The following PRELID2 variants were observed in gnomAD, a reference collection of about 807,000 sequenced individuals.
The protein encoded by PRELID2 is PRELI domain-containing protein 2.
Under a neutral mutation model 28.4 loss-of-function variants are expected in PRELID2, and 25 were observed. That is an observed-to-expected ratio of 0.88 (90% CI 0.64 to 1.23). PRELID2 has a LOEUF of 1.23. Among genes scored for constraint, PRELID2 ranks in the 50% most tolerant of loss-of-function variants. The probability of loss-of-function intolerance (pLI) is 0.00; values close to 1 mark genes in which losing one functional copy is unlikely to be tolerated. For missense variants in PRELID2, 201 were observed against 214.4 expected (o/e 0.94, Z 0.39); for synonymous variants, 76 against 71.6 (o/e 1.06, Z -0.31).
the PRELID2 span, among the ~76,000 whole-genome samples, chr5:145,247,756 T>G: frequency 1.3e-5 from 2 of 152,128 alleles, no homozygotes; most frequent in African/African-American, 4.8e-5. Flanking sequence ...GAGCTAGAAT[T>G]AGAAGAAAGG....
chr5:145,343,859 G>GA, the PRELID2 span, among the ~76,000 whole-genome samples: 1 of 151,610 alleles, frequency 6.6e-6, no homozygotes, highest in African/African-American at 2.4e-5. Flanking sequence ...GAAATACAAA[G>GA]AAAAATCAGA....
the PRELID2 span, among the ~76,000 whole-genome samples, chr5:145,460,125 T>C: frequency 6.6e-6 from 1 of 152,120 alleles, no homozygotes; most frequent in Non-Finnish European, 1.5e-5. Context: ...TTCAGCAACA[T>C]AAAAAATGAC....
the PRELID2 span, among the ~76,000 whole-genome samples, chr5:145,345,041 C>T: frequency 2.6e-5 from 4 of 152,036 alleles, no homozygotes; most frequent in African/African-American, 7.2e-5. Flanking sequence ...TAAAAACTAT[C>T]TAAACTTTAC....
At chr5:145,230,160 G>A in the PRELID2 span, 1 of 433,946 alleles carries the variant, frequency 2.3e-6, no homozygotes, top group Non-Finnish European at 4.4e-6. Context: ...TCCCCAGCTG[G>A]CAACCTAGTG....
the PRELID2 span, among the ~76,000 whole-genome samples, chr5:145,333,927 C>G: frequency 6.6e-6 from 1 of 152,026 alleles, no homozygotes; most frequent in African/African-American, 2.4e-5. Context: ...CCAAGGGAAT[C>G]TCCTGGTCTG....
chr5:145,806,993 C>A (rs908336799), intron 4 of PRELID2, among the ~76,000 whole-genome samples: 6 of 152,118 alleles, frequency 3.9e-5, no homozygotes, highest in African/African-American at 1.4e-4. Context: ...GACTAATACA[C>A]CATTATCAAG....
At chr5:145,498,743 G>A (rs893668187) in intron 1 of PRELID2, among the ~76,000 whole-genome samples, 5 of 151,952 alleles carry the variant, frequency 3.3e-5, no homozygotes, top group South Asian at 4.1e-4. Context: ...TTTTAGTAGA[G>A]ATAAGGTTTC....
intron 1 of PRELID2, among the ~76,000 whole-genome samples, chr5:145,607,791 T>C (rs1753525960): frequency 1.3e-5 from 2 of 152,170 alleles, no homozygotes; most frequent in South Asian, 4.1e-4. Context: ...AGGTCCTGAA[T>C]GTGTTTGTTA....
At chr5:145,281,298 A>C in the PRELID2 span, among the ~76,000 whole-genome samples, 1 of 152,176 alleles carries the variant, frequency 6.6e-6, no homozygotes, top group African/African-American at 2.4e-5. Flanking sequence ...CCTGGAAGTG[A>C]AGCCCAGTCT....
downstream of PRELID2, among the ~76,000 whole-genome samples, chr5:145,471,567 T>C (rs979227852): frequency 1.3e-5 from 2 of 152,136 alleles, no homozygotes; most frequent in African/African-American, 2.4e-5. Context: ...ATGGGTACCA[T>C]AATTCCTCAA....
chr5:145,406,686 T>C, the PRELID2 span, among the ~76,000 whole-genome samples: 1 of 152,132 alleles, frequency 6.6e-6, no homozygotes, highest in Non-Finnish European at 1.5e-5. Context: ...CCAAAAGAAT[T>C]CACAGATCCT....
chr5:145,278,719 A>C, the PRELID2 span, among the ~76,000 whole-genome samples: 1 of 152,160 alleles, frequency 6.6e-6, no homozygotes, highest in East Asian at 1.9e-4. Context: ...GGTCCATCCA[A>C]GGAACACAAG....
chr5:145,696,915 A>G lies in PRELID2; in HGVS notation n.70+68016T>C, dbSNP rs371711765. Among the ~76,000 whole-genome samples the G allele has an allele frequency of 5.3e-5, 8 of 151,326 alleles. No individual in the cohort carries two copies. The South Asian group carries it at 1.7e-3, about 32-fold the overall frequency. On this transcript the variant is annotated intron_variant and non_coding_transcript_variant, in intron 1 of 2. Coordinates refer to the PRELID2 transcript ENST00000510259. ...CTAAAAAATAGTATATATTCAGACC[A>G]CTTTTGGTAATAAAGGCTGGAAGAA...
the PRELID2 span, among the ~76,000 whole-genome samples, chr5:145,406,178 G>T: frequency 2.6e-5 from 4 of 151,930 alleles, no homozygotes; most frequent in East Asian, 8.1e-4. Flanking sequence ...TGAGATTTAG[G>T]GGGGGAAACA....
At chr5:145,661,776 G>A (rs1024429029) in intron 1 of PRELID2, among the ~76,000 whole-genome samples, 2 of 151,660 alleles carry the variant, frequency 1.3e-5, no homozygotes, top group Non-Finnish European at 2.9e-5. Context: ...TAGTCAACAA[G>A]TTAAGAGAAA....
intron 1 of PRELID2, among the ~76,000 whole-genome samples, chr5:145,692,406 G>A (rs1410792682): frequency 6.6e-6 from 1 of 152,050 alleles, no homozygotes; most frequent in Non-Finnish European, 1.5e-5. Context: ...TAGGCCTCAT[G>A]TGTAACCCTG....
At chr5:145,302,420 G>T in the PRELID2 span, among the ~76,000 whole-genome samples, 1 of 151,940 alleles carries the variant, frequency 6.6e-6, no homozygotes, top group Non-Finnish European at 1.5e-5. Flanking sequence ...TTACAGTCGT[G>T]AGCCACCGTG....
the PRELID2 span, among the ~76,000 whole-genome samples, chr5:145,260,227 C>G: frequency 6.6e-6 from 1 of 152,116 alleles, no homozygotes; most frequent in South Asian, 2.1e-4. Context: ...AACCTCTTTT[C>G]TTTATAAACA....
At chr5:145,722,242 T>C (rs1756010103) in intron 1 of PRELID2, among the ~76,000 whole-genome samples, 1 of 152,168 alleles carries the variant, frequency 6.6e-6, no homozygotes, top group African/African-American at 2.4e-5. Flanking sequence ...CACTCTCAGA[T>C]TATAATACAA....
Sources: gnomAD v4.1 joint callset for allele counts (sites outside exome capture counted in the v4.1 genomes callset) on GRCh38, gnomAD v4.1.1 for gene constraint, MANE v1.5 for transcripts, NCBI Gene and HGNC (gene_info 2026-07-23, HGNC 2026-07-21) for gene names.